OPCML: variants seen among roughly 807,000 people sequenced by gnomAD.
The protein encoded by OPCML is opioid-binding protein/cell adhesion molecule.
OPCML carries 13 observed loss-of-function variants against 37.8 expected under a neutral mutation model. That is an observed-to-expected ratio of 0.34 (90% confidence interval 0.22 to 0.55). The LOEUF is 0.55. Among genes scored for constraint, OPCML ranks in the 20% least tolerant of loss-of-function variants. OPCML has a pLI of 0.91. For synonymous variants in OPCML, 176 were observed against 168.8 expected (o/e 1.04, Z -0.33); for missense variants, 341 against 435.6 (o/e 0.78, Z 1.93).
intron 1 of OPCML, among the ~76,000 whole-genome samples, chr11:133,050,518 G>A (rs1948110054): frequency 6.6e-6 from 1 of 152,056 alleles, no homozygotes; most frequent in African/African-American, 2.4e-5. Flanking sequence ...GATGAAATGA[G>A]CCAATTTATA....
intron 2 of OPCML, among the ~76,000 whole-genome samples, chr11:132,837,954 C>A (rs917975910): frequency 6.6e-6 from 1 of 152,242 alleles, no homozygotes; most frequent in East Asian, 1.9e-4. Context: ...AGGCCGCTGT[C>A]ACGTCATCCT....
At chr11:132,907,790 G>A (rs1944295874) in intron 2 of OPCML, among the ~76,000 whole-genome samples, 1 of 148,846 alleles carries the variant, frequency 6.7e-6, no homozygotes, top group Non-Finnish European at 1.5e-5. Flanking sequence ...ACTGCACGTT[G>A]CTCTGTTACA....
intron 3 of OPCML, among the ~76,000 whole-genome samples, chr11:132,634,016 A>C (rs1450508896): frequency 2.6e-5 from 4 of 152,198 alleles, no homozygotes; most frequent in Non-Finnish European, 5.9e-5. Flanking sequence ...TGGGGGTAGC[A>C]GTTGCAGGCA....
chr11:133,025,042 G>A (rs1351527178), intron 1 of OPCML: 1 of 967,744 alleles, frequency 1.0e-6, no homozygotes. Flanking sequence ...AACACTTCTA[G>A]GCTGATGTGC....
intron 1 of OPCML, among the ~76,000 whole-genome samples, chr11:132,982,164 T>A (rs1421611640): frequency 6.6e-6 from 1 of 152,190 alleles, no homozygotes; most frequent in Non-Finnish European, 1.5e-5. Flanking sequence ...AGCCCCATTT[T>A]CTTCTGCCTT....
intron 1 of OPCML, among the ~76,000 whole-genome samples, chr11:133,293,556 A>G (rs1942540646): frequency 6.6e-6 from 1 of 152,118 alleles, no homozygotes; most frequent in Non-Finnish European, 1.5e-5. Flanking sequence ...TCTCCTTCCC[A>G]TCTGAGCCCT....
At chr11:133,342,324 C>T (rs1943888681) in intron 1 of OPCML, among the ~76,000 whole-genome samples, 1 of 152,206 alleles carries the variant, frequency 6.6e-6, no homozygotes, top group African/African-American at 2.4e-5. Flanking sequence ...ATGACCATCA[C>T]TCCATGAGCA....
intron 1 of OPCML, chr11:133,361,694 C>G (rs1728695085): frequency 1.3e-5 from 2 of 157,308 alleles, no homozygotes; most frequent in African/African-American, 4.8e-5. Flanking sequence ...TTTCCCGCCC[C>G]CATAAGCGCC....
chr11:133,289,352 T>G (rs1393899644), intron 1 of OPCML, among the ~76,000 whole-genome samples: 1 of 151,988 alleles, frequency 6.6e-6, no homozygotes, highest in Non-Finnish European at 1.5e-5. Flanking sequence ...TCCCAGCACT[T>G]TGGGAGGCCG....
intron 2 of OPCML, among the ~76,000 whole-genome samples, chr11:132,898,083 G>A (rs982526816): frequency 5.3e-5 from 8 of 152,098 alleles, no homozygotes; most frequent in East Asian, 1.9e-4. Context: ...GGTTGTGCAC[G>A]GGTTCAGCAG....
chr11:132,648,048 C>T (rs1235633287), intron 3 of OPCML, among the ~76,000 whole-genome samples: 1 of 152,148 alleles, frequency 6.6e-6, no homozygotes, highest in Non-Finnish European at 1.5e-5. Context: ...TTCGGAAATG[C>T]AAGTGAGACT....
At chr11:132,784,867 A>C (rs1947155579) in intron 2 of OPCML, among the ~76,000 whole-genome samples, 1 of 152,196 alleles carries the variant, frequency 6.6e-6, no homozygotes. Flanking sequence ...CACCAGAAGC[A>C]GATGCTGGCA....
At chr11:133,363,742 AC>A (rs1396633113) in intron 1 of OPCML, among the ~76,000 whole-genome samples, 1 of 152,050 alleles carries the variant, frequency 6.6e-6, no homozygotes, top group African/African-American at 2.4e-5. Flanking sequence ...CGTGACCACG[AC>A]CCCCAAAGGT....
chr11:132,814,206 T>G (rs1939503387), intron 2 of OPCML, among the ~76,000 whole-genome samples: 2 of 152,232 alleles, frequency 1.3e-5, no homozygotes, highest in African/African-American at 2.4e-5. Context: ...AGTGATGAGT[T>G]GAACTCATTG....
intron 3 of OPCML, among the ~76,000 whole-genome samples, chr11:132,603,282 A>G (rs1469019367): frequency 1.3e-5 from 2 of 152,080 alleles, no homozygotes; most frequent in African/African-American, 4.8e-5. Context: ...TGACCTTAAT[A>G]CCTTTTTACT....
chr11:133,243,767 G>T (rs1342021471), intron 1 of OPCML, among the ~76,000 whole-genome samples: 1 of 152,198 alleles, frequency 6.6e-6, no homozygotes, highest in Non-Finnish European at 1.5e-5. Context: ...CTGAGATGAG[G>T]ATATAAAGAC....
At chr11:132,623,278 A>C (rs1467769624) in intron 3 of OPCML, among the ~76,000 whole-genome samples, 1 of 152,040 alleles carries the variant, frequency 6.6e-6, no homozygotes, top group African/African-American at 2.4e-5. Context: ...CTTGGCTCTG[A>C]GCTTCACTTC....
chr11:133,518,045 A>C (rs554105076), intron 1 of OPCML, among the ~76,000 whole-genome samples: 1 of 152,326 alleles, frequency 6.6e-6, no homozygotes, highest in East Asian at 1.9e-4. Context: ...ACAGAGAGAC[A>C]GCCTCCAAAA....
At position 133,199,527 on chromosome 11, in the gene OPCML, A is replaced by G. The variant is rs1938678929; in HGVS notation, c.62-256517T>C. 1.3e-5 allele frequency among the ~76,000 whole-genome samples: 2 copies of G among 152,162 alleles called. 1 individual carries two copies. Among genetic ancestry groups the G allele is most frequent in the South Asian group, 4.1e-4 (2 of 4,832 alleles). On this transcript the variant is annotated intron_variant, in intron 1 of 7. Coordinates refer to ENST00000524381, the MANE Select transcript of OPCML (RefSeq NM_001012393.5). ...GCTGGATAGATGAGCTAAACAAGTC[A>G]ACCCTCTATCTTGCAAAAGGACTGA... is the stretch of plus-strand genomic sequence containing the variant.
Sources: allele counts gnomAD v4.1 joint callset (sites outside exome capture counted in the v4.1 genomes callset), GRCh38; gene constraint gnomAD v4.1.1; transcripts MANE v1.5; gene names NCBI Gene and HGNC (gene_info 2026-07-23, HGNC 2026-07-21).